GRM5: variants seen among roughly 807,000 people sequenced by gnomAD.
GRM5 encodes metabotropic glutamate receptor 5.
GRM5 carries 19 observed loss-of-function variants against 83.1 expected under a neutral mutation model. The ratio of observed to expected loss-of-function variants is 0.23; its 90% confidence interval spans 0.16 to 0.34. GRM5 has a LOEUF of 0.34. Among genes scored for constraint, GRM5 ranks in the 10% least tolerant of loss-of-function variants. GRM5 has a pLI of 1.00. For synonymous variants in GRM5, 675 were observed against 633.6 expected, an observed-to-expected ratio of 1.07 and a Z score of -0.98; for missense variants, 1,160 against 1,588.3, an observed-to-expected ratio of 0.73 and a Z score of 4.58.
At chr11:88,877,413 AT>A (rs1944873718) in intron 2 of GRM5, among the ~76,000 whole-genome samples, 1 of 152,142 alleles carries the variant, frequency 6.6e-6, no homozygotes, top group Non-Finnish European at 1.5e-5. Flanking sequence ...CTCATACATT[AT>A]TGGTGAGAAT....
Position 88,567,465 on chromosome 11 carries a change from C to T in GRM5, c.2218G>A (p.Val740Ile), listed in dbSNP as rs1942899650. 2.5e-6 allele frequency: 4 copies of T among 1,614,024 alleles called. No individual in the cohort carries two copies. Among genetic ancestry groups the T allele is most frequent in the African/African-American group, 1.3e-5 (1 of 74,920 alleles). Reference protein sequence around the residue: ...YLICNTTNLGVVTPLGYNGLL... With the variant: ...YLICNTTNLGIVTPLGYNGLL... ...CCATTGTATCCAAGTGGAGTGACAA[C>T]TCCTAGGTTGGTGGTGTTACAGATC... Residue 740 changes from valine to isoleucine, a missense_variant, in exon 8 of 10, where the codon GTT (valine) becomes ATT (isoleucine). Val to Ile is a conservative substitution (Grantham distance 29). This residue lies in a region of GRM5 where 44 missense variants were observed against 41.0 expected (regional missense o/e 1.07). Coordinates refer to ENST00000305447, the MANE Select transcript of GRM5 (RefSeq NM_001143831.3). This position sits in a 1 kb window ranked among gnomAD's most constrained non-coding sequence, Gnocchi z 7.3.
At chr11:88,810,251 A>C (rs1286961443) in intron 3 of GRM5, among the ~76,000 whole-genome samples, 1 of 152,082 alleles carries the variant, frequency 6.6e-6, no homozygotes, top group Non-Finnish European at 1.5e-5. Flanking sequence ...AAAGCCAGTA[A>C]TAATTAGGTT....
At chr11:88,875,221 T>C (rs192317866) in intron 2 of GRM5, among the ~76,000 whole-genome samples, 1 of 152,136 alleles carries the variant, frequency 6.6e-6, no homozygotes, top group Non-Finnish European at 1.5e-5. Flanking sequence ...TTTAGGTAAT[T>C]TTCTAAATCA....
At chr11:88,695,378 C>T (rs935289858) in intron 3 of GRM5, among the ~76,000 whole-genome samples, 4 of 152,158 alleles carry the variant, frequency 2.6e-5, no homozygotes, top group African/African-American at 7.2e-5. Flanking sequence ...GTCCTACTTG[C>T]TTTGTAAGGC....
At chr11:88,646,704 T>G (rs1318677724) in intron 4 of GRM5, among the ~76,000 whole-genome samples, 1 of 151,818 alleles carries the variant, frequency 6.6e-6, no homozygotes, top group Non-Finnish European at 1.5e-5. Flanking sequence ...GTCAAAAATC[T>G]TAAAGGCAGT....
At chr11:88,576,316 G>A (rs780904446) in intron 7 of GRM5, among the ~76,000 whole-genome samples, 63 of 152,238 alleles carry the variant, frequency 4.1e-4, no homozygotes, top group South Asian at 1.7e-3. Flanking sequence ...GCCTGTACCC[G>A]TCATAGCACT....
chr11:88,645,402 C>G (rs187131649), intron 4 of GRM5, among the ~76,000 whole-genome samples: 12 of 152,174 alleles, frequency 7.9e-5, no homozygotes, highest in African/African-American at 2.9e-4. Context: ...GGACTTTTCA[C>G]TGAGCAAGAT....
intron 2 of GRM5, among the ~76,000 whole-genome samples, chr11:88,953,207 G>C (rs1339604636): frequency 6.6e-6 from 1 of 152,196 alleles, no homozygotes; most frequent in Non-Finnish European, 1.5e-5. Flanking sequence ...TTTGAGGAAA[G>C]AGAAAGGATC....
At chr11:88,761,153 C>T (rs559451967) in intron 3 of GRM5, among the ~76,000 whole-genome samples, 3 of 152,226 alleles carry the variant, frequency 2.0e-5, no homozygotes, top group African/African-American at 7.2e-5. Flanking sequence ...GATGAGGATG[C>T]CCTCTCTCAC....
chr11:88,833,608 T>C (rs12271436), intron 3 of GRM5, among the ~76,000 whole-genome samples: 3,879 of 152,284 alleles, frequency 0.025, 174 homozygotes, highest in African/African-American at 0.089. Flanking sequence ...TCAGCAATTC[T>C]AATACTAGGT....
At chr11:89,008,762 A>G (rs562943032) in intron 2 of GRM5, among the ~76,000 whole-genome samples, 31 of 152,156 alleles carry the variant, frequency 2.0e-4, no homozygotes, top group Admixed American at 3.9e-4. Context: ...GTTTCTTCAC[A>G]TTACACTACA....
chr11:88,762,254 C>A (rs1014511294), intron 3 of GRM5, among the ~76,000 whole-genome samples: 6 of 152,046 alleles, frequency 3.9e-5, no homozygotes, highest in African/African-American at 1.4e-4. Context: ...AACCAATAAC[C>A]AACAGAATGG....
At chr11:88,652,790 T>C (rs1347467517) in intron 4 of GRM5, among the ~76,000 whole-genome samples, 1 of 152,094 alleles carries the variant, frequency 6.6e-6, no homozygotes, top group East Asian at 1.9e-4. Context: ...AAACCGTTAC[T>C]ATGTGCTTCC....
intron 3 of GRM5, among the ~76,000 whole-genome samples, chr11:88,828,226 G>A (rs754027756): frequency 6.6e-6 from 1 of 152,190 alleles, no homozygotes; most frequent in Non-Finnish European, 1.5e-5. Flanking sequence ...GTGTAAGACT[G>A]TGGGTTTTAC....
intron 4 of GRM5, among the ~76,000 whole-genome samples, chr11:88,642,918 G>A (rs903466651): frequency 4.6e-5 from 7 of 151,974 alleles, no homozygotes; most frequent in Non-Finnish European, 1.0e-4. Flanking sequence ...TTATCTTCCT[G>A]TCTTTTCCTG....
intron 2 of GRM5, among the ~76,000 whole-genome samples, chr11:88,971,705 C>A (rs533700138): frequency 6.6e-6 from 1 of 152,156 alleles, no homozygotes; most frequent in Admixed American, 6.6e-5. Flanking sequence ...TAGGTTGATT[C>A]CATATCTTTT....
In GRM5 at chr11:88,667,615, C is replaced by T. The variant is rs1297029958; in HGVS notation, c.912-14212G>A. 1.3e-5 allele frequency among the ~76,000 whole-genome samples: 2 copies of T among 151,974 alleles called. 1 individual carries two copies. Among genetic ancestry groups the T allele is most frequent in the South Asian group, 4.2e-4 (2 of 4,812 alleles). ...GTATAGTAGAAAGAAAAAGTTAGGC[C>T]AGGCGCAGTGGCTCACGCCTGTAAT... On this transcript the variant is annotated intron_variant, in intron 3 of 9. Coordinates refer to ENST00000305447, the MANE Select transcript of GRM5 (RefSeq NM_001143831.3).
chr11:88,522,769 A>T (rs1941738211), intron 9 of GRM5: 1 of 152,130 alleles, frequency 6.6e-6, no homozygotes, highest in Admixed American at 6.5e-5. Context: ...TTGTATTTAT[A>T]GTAGTATGCA....
At chr11:88,639,040 T>G (rs1939216995) in intron 4 of GRM5, among the ~76,000 whole-genome samples, 1 of 152,210 alleles carries the variant, frequency 6.6e-6, no homozygotes, top group Non-Finnish European at 1.5e-5. Flanking sequence ...TTTACAAATT[T>G]CTTGAGGTGG....
Sources: gnomAD v4.1 joint callset for allele counts (sites outside exome capture counted in the v4.1 genomes callset) on GRCh38, gnomAD v4.1.1 for gene constraint, gnomAD v4.1.1 regional missense constraint, Gnocchi (gnomAD v3.1) non-coding constraint, MANE v1.5 for transcripts, NCBI Gene and HGNC (gene_info 2026-07-23, HGNC 2026-07-21) for gene names.